ENOX1: variants seen among roughly 807,000 people sequenced by gnomAD.
ENOX1 encodes the protein ecto-NOX disulfide-thiol exchanger 1, also known as candidate growth-related and time keeping constitutive hydroquinone (NADH) oxidase.
Under a neutral mutation model 82.5 loss-of-function variants are expected in ENOX1, and 42 were observed. That is an observed-to-expected ratio of 0.51 (90% CI 0.40 to 0.66). ENOX1 has a LOEUF of 0.66. Among genes scored for constraint, ENOX1 ranks in the 30% least tolerant of loss-of-function variants. The pLI, the probability that ENOX1 is intolerant of heterozygous loss-of-function variation, is 0.00. For missense variants in ENOX1, 608 were observed against 811.6 expected (o/e 0.75, Z 3.05); for synonymous variants, 271 against 282.2 (o/e 0.96, Z 0.40).
At position 43,573,902 on chromosome 13, in the gene ENOX1, C is replaced by A. The variant is rs536089936; in HGVS notation, c.-218-89750G>T. ...ATCCAGCATTAAAGGCTTTCCAAGGCAAAATACATTGTGCAATATTAATTT... is the reference window on the plus strand; with the variant it reads ...ATCCAGCATTAAAGGCTTTCCAAGGAAAAATACATTGTGCAATATTAATTT... On this transcript the variant is annotated intron_variant, in intron 2 of 16. Transcript: ENST00000690772. Among the ~76,000 whole-genome samples the A allele has an allele frequency of 2.0e-5, 3 of 152,228 alleles. No individual in the cohort carries two copies. The East Asian group carries it at 5.8e-4, about 29-fold the overall frequency.
chr13:43,473,070 T>C (rs2058136052), intron 3 of ENOX1, among the ~76,000 whole-genome samples: 2 of 152,184 alleles, frequency 1.3e-5, no homozygotes, highest in South Asian at 4.1e-4. Context: ...ATATTTTCTA[T>C]GGGTCTTGTA....
chr13:43,674,470 G>C (rs982991365), intron 1 of ENOX1, among the ~76,000 whole-genome samples: 2 of 152,134 alleles, frequency 1.3e-5, no homozygotes, highest in Non-Finnish European at 2.9e-5. Flanking sequence ...CTAAGTGAAA[G>C]AAGTCAGTCT....
At chr13:43,712,014 G>T (rs2087756040) in intron 1 of ENOX1, among the ~76,000 whole-genome samples, 1 of 150,492 alleles carries the variant, frequency 6.6e-6, no homozygotes, top group East Asian at 2.0e-4. Flanking sequence ...TGTCCTGAAT[G>T]GTAATGCCTA....
At chr13:43,372,891 G>A (rs1028498289) in intron 5 of ENOX1, among the ~76,000 whole-genome samples, 4 of 151,968 alleles carry the variant, frequency 2.6e-5, no homozygotes, top group Non-Finnish European at 4.4e-5. Context: ...GACCGTCCGA[G>A]TTCTAGTTCA....
chr13:43,351,212 G>GC (rs2049761602), intron 8 of ENOX1, among the ~76,000 whole-genome samples: 4 of 152,018 alleles, frequency 2.6e-5, no homozygotes, highest in Admixed American at 2.0e-4. Context: ...AATTAACCCC[G>GC]CATCAACTAA....
intron 2 of ENOX1, chr13:43,547,655 A>G (rs765117522): frequency 1.3e-5 from 2 of 152,248 alleles, no homozygotes; most frequent in Non-Finnish European, 2.9e-5. Context: ...AGCAAACAGC[A>G]CAGGAAACTT....
intron 10 of ENOX1, 89 bp downstream of exon 10, chr13:43,326,330 T>C (rs1488434326): frequency 2.3e-5 from 26 of 1,117,056 alleles, no homozygotes; most frequent in South Asian, 1.0e-4. Context: ...CTGCCCACTA[T>C]AACAGAAACC....
chr13:43,483,430 T>C (rs906268387), intron 3 of ENOX1, among the ~76,000 whole-genome samples: 1 of 152,128 alleles, frequency 6.6e-6, no homozygotes, highest in Non-Finnish European at 1.5e-5. Flanking sequence ...AACAATATTG[T>C]TAGTAATTTT....
intron 12 of ENOX1, among the ~76,000 whole-genome samples, chr13:43,276,280 T>C (rs909024717): frequency 1.3e-5 from 2 of 152,188 alleles, no homozygotes; most frequent in African/African-American, 4.8e-5. Context: ...TTGCTCTACG[T>C]GGCAATACCC....
chr13:43,260,417 T>C, intron 14 of ENOX1, among the ~76,000 whole-genome samples: 1 of 152,130 alleles, frequency 6.6e-6, no homozygotes, highest in East Asian at 1.9e-4. Context: ...ATTGAGCAAA[T>C]AGAGGAATGT....
At chr13:43,542,855 G>C (rs1434590366) in intron 2 of ENOX1, among the ~76,000 whole-genome samples, 2 of 152,126 alleles carry the variant, frequency 1.3e-5, no homozygotes, top group Admixed American at 6.6e-5. Flanking sequence ...TCAATTCCTA[G>C]TGAGGGCTCG....
chr13:43,569,873 C>CCCACA (rs1465008778), intron 2 of ENOX1, among the ~76,000 whole-genome samples: 1 of 152,170 alleles, frequency 6.6e-6, no homozygotes, highest in Non-Finnish European at 1.5e-5. Flanking sequence ...TCATAATCAT[C>CCCACA]CCACACCACA....
At chr13:43,616,126 A>ATC (rs1457889737) in intron 2 of ENOX1, among the ~76,000 whole-genome samples, 710 of 65,836 alleles carry the variant, frequency 0.011, 117 homozygotes, top group African/African-American at 0.038. Flanking sequence ...AGATCTATAG[A>ATC]TATCTATCTA....
intron 3 of ENOX1, among the ~76,000 whole-genome samples, chr13:43,439,601 A>G (rs942971128): frequency 6.6e-6 from 1 of 152,188 alleles, no homozygotes; most frequent in Admixed American, 6.5e-5. Flanking sequence ...GGACTCACTC[A>G]AATTCAATCT....
chr13:43,339,629 G>T (rs1043223726), intron 9 of ENOX1, among the ~76,000 whole-genome samples: 2 of 152,168 alleles, frequency 1.3e-5, no homozygotes, highest in South Asian at 4.1e-4. Context: ...GCTGTTTAGT[G>T]GACAGGCTAC....
intron 2 of ENOX1, among the ~76,000 whole-genome samples, chr13:43,526,690 T>G (rs17064693): frequency 0.03 from 4,627 of 152,232 alleles, 237 homozygotes; most frequent in African/African-American, 0.1. Context: ...TTCAAGGTCC[T>G]AAAGTGGAAA....
At chr13:43,381,148 A>G (rs529516639) in intron 5 of ENOX1, among the ~76,000 whole-genome samples, 1 of 151,974 alleles carries the variant, frequency 6.6e-6, no homozygotes, top group South Asian at 2.1e-4. Context: ...GATTGGCCAT[A>G]TTCTGGGCAT....
intron 2 of ENOX1, among the ~76,000 whole-genome samples, chr13:43,518,482 C>T (rs1226017361): frequency 6.6e-6 from 1 of 152,058 alleles, no homozygotes; most frequent in African/African-American, 2.4e-5. Flanking sequence ...GAGGCAGATG[C>T]GTTGATGTTC....
intron 11 of ENOX1, 100 bp downstream of exon 11, chr13:43,322,284 T>C: frequency 1.2e-6 from 1 of 847,574 alleles, no homozygotes; most frequent in Non-Finnish European, 1.9e-6. Context: ...TTAGTATAAT[T>C]CAAATAAAAG....
Sources: gnomAD v4.1 joint callset for allele counts (sites outside exome capture counted in the v4.1 genomes callset) on GRCh38, gnomAD v4.1.1 for gene constraint, MANE v1.5 for transcripts, NCBI Gene and HGNC (gene_info 2026-07-23, HGNC 2026-07-21) for gene names.